Variants in CDH15 observed in about 807,000 individuals in gnomAD.
CDH15 encodes the protein cadherin-15.
CDH15 carries 73 observed loss-of-function variants against 69.4 expected under a neutral mutation model. That is an observed-to-expected ratio of 1.05 (90% CI 0.87 to 1.28). The LOEUF is 1.28. CDH15 is among the 50% of genes most tolerant of loss of function. CDH15 has a pLI of 0.00. For synonymous variants in CDH15, 624 were observed against 507.7 expected (o/e 1.23, Z -3.08); for missense variants, 1,343 against 1,133.6 (o/e 1.18, Z -2.65).
Position 89,193,854 on chromosome 16 carries a change from C to T in CDH15, c.2092C>T (p.Pro698Ser). ...RRDAPQGRLH[P>S]QPPRVLPTSP... ...AGATGCCCCGCAGGGCCGCCTGCAC[C>T]CCCAGCCACCCCGAGTGCTGCCCAC... The change falls in exon 13 of 14, where the codon CCC (proline) becomes TCC (serine). Residue 698 changes from proline to serine, a missense_variant. Physicochemically the swap from Pro to Ser is moderately conservative, Grantham distance 74. Coordinates refer to ENST00000289746, the MANE Select transcript of CDH15 (RefSeq NM_004933.3). 6.2e-7 allele frequency: 1 copy of T among 1,611,840 alleles called. No individual in the cohort carries two copies. The highest frequency in any genetic ancestry group is 8.5e-7 in the Non-Finnish European group (1 of 1,179,728).
intron 1 of CDH15, among the ~76,000 whole-genome samples, chr16:89,176,352 G>A (rs1184991047): frequency 1.2e-4 from 19 of 152,212 alleles, no homozygotes; most frequent in Non-Finnish European, 2.9e-5. Context: ...GTGGTGGTCA[G>A]AGTAGCTGTC....
chr16:89,194,259 T>C (rs997941956), intron 13 of CDH15, among the ~76,000 whole-genome samples: 1 of 152,054 alleles, frequency 6.6e-6, no homozygotes, highest in African/African-American at 2.4e-5. Flanking sequence ...AGGGCCTCCA[T>C]AGAAGACCCT....
At position 89,191,793 on chromosome 16, in the gene CDH15, C is replaced by T. The variant is rs958499609; in HGVS notation, c.1514C>T (p.Ala505Val). ...CAAGGCCCAGGCCTCCTCCTGGGCGCCACGGATGAGGACCTGCCCCCCCAC... is the reference window on the plus strand; with the variant it reads ...CAAGGCCCAGGCCTCCTCCTGGGCGTCACGGATGAGGACCTGCCCCCCCAC... ...PHQGPGLLLG[A>V]TDEDLPPHGA... Residue 505 changes from alanine to valine, a missense_variant, in exon 10 of 14, where the codon GCC (alanine) becomes GTC (valine). Ala to Val is a moderately conservative substitution (Grantham distance 64). Transcript: ENST00000289746. 4.4e-6 allele frequency: 7 copies of T among 1,605,984 alleles called. No homozygotes were observed. Among genetic ancestry groups the T allele is most frequent in the East Asian group, 2.2e-5 (1 of 44,852 alleles).
At chr16:89,189,918 C>G (rs930983427) in intron 7 of CDH15, among the ~76,000 whole-genome samples, 1 of 152,230 alleles carries the variant, frequency 6.6e-6, no homozygotes, top group Admixed American at 6.5e-5. Context: ...AAAGCCAACC[C>G]ACATCACCCA....
chr16:89,193,471 G>A lies in CDH15; in HGVS notation c.1857G>A (p.Val619=), dbSNP rs745600858. The A allele has an allele frequency of 1.2e-5, 20 of 1,610,476 alleles. No homozygotes were observed. The highest frequency in any genetic ancestry group is 1.5e-5 in the Non-Finnish European group (18 of 1,179,294). The stretch of plus-strand genomic sequence containing the variant: ...AGCCTGCGTCCCCTCATTCCCCAGT[G>A]CTGGTCCTGCTCGTGGCACTCCGGG... The part of the protein sequence containing the change: ...IVLASALLLL[V]LVLLVALRAR... Residue 619 remains valine, a splice_region_variant and synonymous_variant, in exon 12 of 14, where the codon GTG becomes GTA. Transcript: ENST00000289746.
intron 1 of CDH15, among the ~76,000 whole-genome samples, chr16:89,175,373 C>T (rs1370277708): frequency 1.3e-5 from 2 of 152,186 alleles, no homozygotes; most frequent in African/African-American, 4.8e-5. Flanking sequence ...AGCCCAAGGC[C>T]GGTGTGGCTC....
At position 89,191,487 on chromosome 16, in the gene CDH15, C is replaced by T. The variant is rs536560983; in HGVS notation, c.1375+15C>T. 7.4e-6 allele frequency: 12 copies of T among 1,611,088 alleles called. No individual in the cohort carries two copies. Among genetic ancestry groups the T allele is most frequent in the Middle Eastern group, 1.7e-4 (1 of 5,934 alleles). Reference sequence around the variant, plus strand: ...CCAGGATGACGGTGAGCGGCGCCGCCGGCTTGGGGCTCCCTGACCTGGCCT... The same window carrying T: ...CCAGGATGACGGTGAGCGGCGCCGCTGGCTTGGGGCTCCCTGACCTGGCCT... On this transcript the variant is annotated intron_variant, in intron 9 of 13. Transcript: ENST00000289746.
rs763305869 is a variant in CDH15, at chr16:89,195,046, T to C, written c.2336T>C (p.Met779Thr). ...CCCCGCTTCGCCCGGCTGGCAGACA[T>C]GTATGGGCACCCGTGCGGGTTGGAG... ...WGPRFARLAD[M>T]YGHPCGLEYG... The change falls in exon 14 of 14, where the codon ATG (methionine) becomes ACG (threonine). Residue 779 changes from methionine to threonine, a missense_variant. Coordinates refer to ENST00000289746, the MANE Select transcript of CDH15 (RefSeq NM_004933.3). The C allele has an allele frequency of 1.9e-6, 3 of 1,612,452 alleles. No homozygotes were observed. Among genetic ancestry groups the C allele is most frequent in the South Asian group, 2.2e-5 (2 of 91,078 alleles).
At chr16:89,192,152 C>G in intron 10 of CDH15, 53 bp from the exon 11 acceptor site, 1 of 1,481,872 alleles carries the variant, frequency 6.7e-7, no homozygotes. Flanking sequence ...GGAGGGCAGG[C>G]GAAGTGGGGG....
intron 1 of CDH15, among the ~76,000 whole-genome samples, chr16:89,175,835 G>A (rs1399699895): frequency 6.6e-6 from 1 of 152,248 alleles, no homozygotes. Context: ...TCCTGCCAAA[G>A]CGTTTGCTAC....
intron 3 of CDH15, 85 bp downstream of exon 3, chr16:89,180,440 C>T: frequency 6.9e-7 from 1 of 1,453,184 alleles, no homozygotes; most frequent in South Asian, 1.2e-5. Flanking sequence ...GGCTTCTCCT[C>T]CCCGCTCGGT....
chr16:89,191,926 T>TCCCCAAGCTCCCCCCAC (rs1915655583), intron 10 of CDH15, 32 bp downstream of exon 10: 1 of 1,435,108 alleles, frequency 7.0e-7, no homozygotes, highest in Non-Finnish European at 9.4e-7. Context: ...GCTCCCCCCA[T>TCCCCAAGCTCCCCCCAC]CCCCACGCTC....
intron 7 of CDH15, among the ~76,000 whole-genome samples, chr16:89,189,894 T>G (rs1915598309): frequency 6.6e-6 from 1 of 152,200 alleles, no homozygotes; most frequent in South Asian, 2.1e-4. Flanking sequence ...CTCAAAGCCT[T>G]CACCTGAGTG....
chr16:89,181,036 C>G (rs113769046), intron 3 of CDH15, among the ~76,000 whole-genome samples: 28,625 of 147,524 alleles, frequency 0.19, 2,842 homozygotes, highest in East Asian at 0.29. Flanking sequence ...GTGGCACAAT[C>G]TCAGCTGACT....
At position 89,188,268 on chromosome 16, in the gene CDH15, G is replaced by T; in HGVS notation, c.961G>T (p.Val321Phe). The change falls in exon 7 of 14, where the codon GTT (valine) becomes TTT (phenylalanine). Residue 321 changes from valine (V) to phenylalanine (F), a missense_variant. Coordinates refer to ENST00000289746, the MANE Select transcript of CDH15 (RefSeq NM_004933.3). ...CACGGACCCCAAGACCAACGAGGGT[G>T]TTCTGTCCATTGTGAAGGTGAGCGG... is the stretch of plus-strand genomic sequence containing the variant. ...IRTDPKTNEG[V>F]LSIVKALDYE... 1 of 1,613,386 alleles carries T rather than the reference G, an allele frequency of 6.2e-7. No individual in the cohort carries two copies. The highest frequency in any genetic ancestry group is 8.5e-7 in the Non-Finnish European group (1 of 1,179,940).
chr16:89,177,228 TG>T (rs1323020990), intron 1 of CDH15, among the ~76,000 whole-genome samples: 1 of 151,160 alleles, frequency 6.6e-6, no homozygotes, highest in African/African-American at 2.4e-5. Flanking sequence ...AGCCCTGCAG[TG>T]GGGGGCTGGG....
intron 3 of CDH15, chr16:89,183,182 C>CA (rs112228543): frequency 0.17 from 30,636 of 176,572 alleles, 2,284 homozygotes; most frequent in East Asian, 0.34. Context: ...AACTCTATCT[C>CA]AAAAAAAAAA....
intron 1 of CDH15, among the ~76,000 whole-genome samples, chr16:89,172,395 C>T (rs947870628): frequency 3.3e-5 from 5 of 152,272 alleles, no homozygotes; most frequent in Admixed American, 3.3e-4. Context: ...CTCACCCTCA[C>T]GGCTACTTCT....
chr16:89,176,803 G>T (rs1007262685), intron 1 of CDH15, among the ~76,000 whole-genome samples: 1 of 142,894 alleles, frequency 7.0e-6, no homozygotes, highest in Non-Finnish European at 1.5e-5. Flanking sequence ...TGAGGAGTTT[G>T]TGTGTGGTGG....
Sources: gnomAD v4.1 joint callset for allele counts (sites outside exome capture counted in the v4.1 genomes callset) on GRCh38, gnomAD v4.1.1 for gene constraint, MANE v1.5 for transcripts, NCBI Gene and HGNC (gene_info 2026-07-23, HGNC 2026-07-21) for gene names.